The following KYNU variants were observed in gnomAD, a reference collection of about 807,000 sequenced individuals.
KYNU encodes the protein L-kynurenine hydrolase.
In KYNU, 54 loss-of-function variants were observed where a neutral mutation model predicts 59.2. That is an observed-to-expected ratio of 0.91 (90% CI 0.73 to 1.14). The LOEUF (loss-of-function observed/expected upper bound fraction) is 1.14, where lower values mean the gene tolerates loss of function less well. Among genes scored for constraint, KYNU ranks in the 50% most tolerant of loss-of-function variants. The probability of loss-of-function intolerance (pLI) is 0.00; values close to 1 mark genes in which losing one functional copy is unlikely to be tolerated. For missense variants in KYNU, 567 were observed against 554.4 expected (o/e 1.02, Z -0.23); for synonymous variants, 177 against 192.0 (o/e 0.92, Z 0.65).
intron 10 of KYNU, among the ~76,000 whole-genome samples, chr2:143,007,452 G>T (rs904486033): frequency 1.5e-5 from 2 of 134,318 alleles, no homozygotes; most frequent in Admixed American, 7.4e-5. Context: ...GAAAGTGATG[G>T]GGAGAATGGA....
At chr2:142,987,564 G>A (rs766145549) in intron 10 of KYNU, among the ~76,000 whole-genome samples, 2 of 151,982 alleles carry the variant, frequency 1.3e-5, no homozygotes, top group Non-Finnish European at 2.9e-5. Flanking sequence ...AGGCAGACCA[G>A]GTTCACAGTT....
At chr2:143,003,324 G>A (rs924057973) in intron 10 of KYNU, among the ~76,000 whole-genome samples, 1 of 152,136 alleles carries the variant, frequency 6.6e-6, no homozygotes, top group Non-Finnish European at 1.5e-5. Flanking sequence ...AGCACTTTGG[G>A]AGACCAAGGC....
chr2:142,912,364 T>C (rs1406031084), intron 2 of KYNU, among the ~76,000 whole-genome samples: 2 of 146,402 alleles, frequency 1.4e-5, no homozygotes, highest in Non-Finnish European at 3.0e-5. Context: ...AAGGATCTTT[T>C]GTATTTCTTT....
intron 1 of KYNU, among the ~76,000 whole-genome samples, chr2:142,884,150 C>T (rs1015326410): frequency 3.9e-5 from 6 of 152,150 alleles, no homozygotes; most frequent in Non-Finnish European, 7.4e-5. Context: ...GATGATTAAA[C>T]AGAATACAAT....
rs756218666 is a variant in KYNU at position 142,954,819 on chromosome 2, A to C, written c.383A>C (p.Glu128Ala). ...TATGTTTATTTTACAGGAGCCAATG[A>C]GAAAGAAATAGCCCTAATGAATGCT... ...GLMKDIVGANEKEIALMNALT... is the reference protein window; with the variant it reads ...GLMKDIVGANAKEIALMNALT... Residue 128 changes from glutamate to alanine, a missense_variant, in exon 5 of 14, where the codon GAG becomes GCG. Coordinates refer to ENST00000264170, the MANE Select transcript of KYNU (RefSeq NM_003937.3). 4 of 1,597,788 alleles carry C rather than the reference A, an allele frequency of 2.5e-6. No homozygotes were observed. The highest frequency in any genetic ancestry group is 2.2e-5 in the South Asian group (2 of 90,704).
chr2:143,012,925 A>G (rs1159485059), intron 10 of KYNU, among the ~76,000 whole-genome samples: 1 of 152,134 alleles, frequency 6.6e-6, no homozygotes, highest in African/African-American at 2.4e-5. Context: ...AATTTTTTTT[A>G]GATTTCATAC....
At chr2:142,994,782 G>A (rs1387175146) in intron 10 of KYNU, among the ~76,000 whole-genome samples, 1 of 151,866 alleles carries the variant, frequency 6.6e-6, no homozygotes, top group African/African-American at 2.4e-5. Flanking sequence ...TTAAATTTTT[G>A]TTGTTGAATA....
Position 142,885,452 on chromosome 2 carries a change from G to T in KYNU, c.85G>T (p.Val29Leu). Residue 29 changes from valine to leucine, a missense_variant, in exon 2 of 14, where the codon GTG becomes TTG. Physicochemically the swap from Val to Leu is conservative, Grantham distance 32. Transcript: ENST00000264170. ...ELKCHPTDER[V>L]ALHLDEEDKL... is the part of the protein sequence containing the mutation. ...CAAATGCCACCCAACGGATGAGAGG[G>T]TGGCTCTCCACCTAGATGAGGAAGA... 1 of 1,614,058 alleles carries T rather than the reference G, an allele frequency of 6.2e-7. No homozygotes were observed. The highest frequency in any genetic ancestry group is 2.2e-5 in the East Asian group (1 of 44,858).
chr2:142,999,025 A>G (rs1010122423), intron 10 of KYNU, among the ~76,000 whole-genome samples: 2 of 139,378 alleles, frequency 1.4e-5, no homozygotes, highest in Admixed American at 1.4e-4. Flanking sequence ...AAAAAAAAAA[A>G]AAAAAAAAAA....
intron 10 of KYNU, among the ~76,000 whole-genome samples, chr2:143,010,190 G>A (rs1005751741): frequency 8.0e-6 from 1 of 125,656 alleles, no homozygotes; most frequent in Admixed American, 8.0e-5. Context: ...ATCTCCTTAA[G>A]CTGATAAGCA....
chr2:142,988,686 A>C (rs1685298707), intron 10 of KYNU, among the ~76,000 whole-genome samples: 1 of 151,998 alleles, frequency 6.6e-6, no homozygotes, highest in African/African-American at 2.4e-5. Flanking sequence ...CATGAAGGCC[A>C]CGTTAAGGAA....
chr2:142,924,130 G>T (rs1488446959), intron 3 of KYNU, among the ~76,000 whole-genome samples: 1 of 151,924 alleles, frequency 6.6e-6, no homozygotes, highest in Non-Finnish European at 1.5e-5. Context: ...TTGGAGTCAG[G>T]GTGTCACTCT....
At chr2:143,028,885 A>C (rs956374304) in intron 10 of KYNU, among the ~76,000 whole-genome samples, 24 of 152,164 alleles carry the variant, frequency 1.6e-4, no homozygotes, top group African/African-American at 5.8e-4. Context: ...AACAAAAACA[A>C]TATGAAAGCA....
At chr2:142,909,812 A>G (rs1373234207) in intron 2 of KYNU, among the ~76,000 whole-genome samples, 2 of 152,158 alleles carry the variant, frequency 1.3e-5, no homozygotes, top group Non-Finnish European at 2.9e-5. Flanking sequence ...CTTTAGGTAT[A>G]TACTTGGTAA....
chr2:143,034,697 G>T (rs1686843771), intron 12 of KYNU, among the ~76,000 whole-genome samples: 1 of 152,138 alleles, frequency 6.6e-6, no homozygotes, highest in Admixed American at 6.5e-5. Context: ...AATCTGCTTA[G>T]TAAATCAGAT....
chr2:143,019,228 G>A (rs151313699), intron 10 of KYNU, among the ~76,000 whole-genome samples: 1 of 152,110 alleles, frequency 6.6e-6, no homozygotes, highest in Non-Finnish European at 1.5e-5. Context: ...TAGAAAAAAG[G>A]CTTTCAATTT....
intron 8 of KYNU, among the ~76,000 whole-genome samples, chr2:142,984,030 A>G (rs945402622): frequency 1.3e-5 from 2 of 152,028 alleles, no homozygotes; most frequent in African/African-American, 4.8e-5. Context: ...TTGATACTGC[A>G]TCAGAATTTG....
At chr2:142,988,740 G>A (rs1466025361) in intron 10 of KYNU, 1 of 854,702 alleles carries the variant, frequency 1.2e-6, no homozygotes, top group Non-Finnish European at 2.0e-6. Context: ...ACACTCCTAA[G>A]CTTCTTTTTA....
chr2:143,023,521 C>T (rs1327861777), intron 10 of KYNU, among the ~76,000 whole-genome samples: 1 of 151,878 alleles, frequency 6.6e-6, no homozygotes, highest in Non-Finnish European at 1.5e-5. Context: ...GTTAATAAAA[C>T]TTCTGCCACA....
Sources: allele counts gnomAD v4.1 joint callset (sites outside exome capture counted in the v4.1 genomes callset), GRCh38; gene constraint gnomAD v4.1.1; transcripts MANE v1.5; gene names NCBI Gene and HGNC (gene_info 2026-07-23, HGNC 2026-07-21).